KIAA1549L: variants seen among roughly 807,000 people sequenced by gnomAD.
The protein encoded by KIAA1549L is KIAA1549 like, also known as UPF0606 protein KIAA1549L.
In KIAA1549L, 88 loss-of-function variants were observed where a neutral mutation model predicts 160.7. The ratio of observed to expected loss-of-function variants is 0.55; its 90% CI spans 0.46 to 0.65. The LOEUF (loss-of-function observed/expected upper bound fraction) is 0.65. KIAA1549L is among the 30% of genes least tolerant of loss of function. The probability of loss-of-function intolerance (pLI) is 0.00; values close to 1 mark genes in which losing one functional copy is unlikely to be tolerated. For synonymous variants in KIAA1549L, 950 were observed against 976.7 expected (o/e 0.97, Z 0.51); for missense variants, 2,258 against 2,437.5 (o/e 0.93, Z 1.55).
intron 1 of KIAA1549L, among the ~76,000 whole-genome samples, chr11:33,469,415 T>C (rs1207835071): frequency 6.8e-6 from 1 of 146,764 alleles, no homozygotes; most frequent in Admixed American, 6.6e-5. Flanking sequence ...ATCTTGTTTA[T>C]TCATCAGGTG....
chr11:33,591,293 G>A lies in KIAA1549L; in HGVS notation c.4623G>A (p.Glu1541=), dbSNP rs1333032923. The A allele has an allele frequency of 1.2e-6, 2 of 1,613,644 alleles. No individual in the cohort carries two copies. The highest frequency in any genetic ancestry group is 1.7e-4 in the Middle Eastern group (1 of 6,058). The change falls in exon 12 of 21, where the codon GAG becomes GAA. Residue 1541 remains glutamate (E), a synonymous_variant. Transcript: ENST00000658780. The part of the protein sequence containing the change: ...KQHLGQQGAD[E]EVIPVTQETV... ...ACCTGGGCCAGCAAGGGGCAGATGA[G>A]GAGGTCATCCCTGTGACTCAGGAGA...
intron 17 of KIAA1549L, among the ~76,000 whole-genome samples, chr11:33,653,819 A>G (rs574507024): frequency 3.3e-5 from 5 of 151,382 alleles, no homozygotes; most frequent in African/African-American, 1.2e-4. Flanking sequence ...CCCCAATTCC[A>G]TTTTCTAGTT....
chr11:33,544,692 C>T (rs953855177), intron 2 of KIAA1549L, 75 bp from the exon 3 acceptor site: 188 of 1,513,144 alleles, frequency 1.2e-4, no homozygotes, highest in Non-Finnish European at 7.4e-5. Context: ...CCATAAGTTA[C>T]ATCCATTCAT....
chr11:33,393,969 T>A (rs2134052476), intron 1 of KIAA1549L, among the ~76,000 whole-genome samples: 1 of 152,340 alleles, frequency 6.6e-6, no homozygotes. Flanking sequence ...TAAACCTTTT[T>A]GACCATTCTG....
chr11:33,505,373 G>T (rs781262554), intron 1 of KIAA1549L, among the ~76,000 whole-genome samples: 6 of 152,184 alleles, frequency 3.9e-5, no homozygotes, highest in Non-Finnish European at 5.9e-5. Flanking sequence ...AAACTTTGCA[G>T]TAGTAAGCTC....
intron 1 of KIAA1549L, among the ~76,000 whole-genome samples, chr11:33,385,716 A>T (rs1386974976): frequency 6.6e-6 from 1 of 150,946 alleles, no homozygotes; most frequent in African/African-American, 2.4e-5. Flanking sequence ...CTTTGAATCT[A>T]GACCATTTAG....
chr11:33,653,036 G>A (rs530014422), intron 17 of KIAA1549L, among the ~76,000 whole-genome samples: 1 of 152,366 alleles, frequency 6.6e-6, no homozygotes, highest in African/African-American at 2.4e-5. Context: ...CAGAAAGGCT[G>A]AATGACATAT....
intron 1 of KIAA1549L, among the ~76,000 whole-genome samples, chr11:33,401,750 T>C (rs1466890107): frequency 6.6e-6 from 1 of 152,150 alleles, no homozygotes; most frequent in Non-Finnish European, 1.5e-5. Flanking sequence ...GATGGGGGTC[T>C]TGCCTCTGCC....
chr11:33,507,706 A>G (rs1853124145), intron 1 of KIAA1549L, among the ~76,000 whole-genome samples: 2 of 152,220 alleles, frequency 1.3e-5, no homozygotes. Context: ...GTCATATGAT[A>G]TGTATACAGT....
intron 18 of KIAA1549L, among the ~76,000 whole-genome samples, chr11:33,657,574 A>C (rs1006829413): frequency 6.6e-6 from 1 of 152,044 alleles, no homozygotes; most frequent in African/African-American, 2.4e-5. Context: ...AGGCGGGTGG[A>C]TCATTTGAGG....
intron 17 of KIAA1549L, among the ~76,000 whole-genome samples, chr11:33,649,343 GAAAAA>G (rs545884059): frequency 9.7e-6 from 1 of 102,778 alleles, no homozygotes; most frequent in Non-Finnish European, 1.9e-5. Context: ...CTCTACGGGG[GAAAAA>G]AAAAAAAAAA....
chr11:33,547,382 A>G (rs758131200), intron 3 of KIAA1549L, among the ~76,000 whole-genome samples: 2 of 152,112 alleles, frequency 1.3e-5, no homozygotes, highest in Non-Finnish European at 2.9e-5. Context: ...CACCTTCCTG[A>G]TCCAGGGTTG....
chr11:33,495,591 G>A (rs552688897), intron 1 of KIAA1549L, among the ~76,000 whole-genome samples: 15 of 152,288 alleles, frequency 9.8e-5, no homozygotes, highest in Middle Eastern at 3.4e-3. Flanking sequence ...AAGCATATGC[G>A]TGCATGTGTC....
chr11:33,583,333 C>T lies in KIAA1549L; in HGVS notation c.4403-5C>T, dbSNP rs367997350. The T allele has an allele frequency of 5.6e-6, 9 of 1,599,684 alleles. No individual in the cohort carries two copies. In the African/African-American group the frequency reaches 1.2e-4, roughly 21 times the overall value. On this transcript the variant is annotated splice_polypyrimidine_tract_variant and splice_region_variant and intron_variant, in intron 10 of 20. Transcript: ENST00000658780. ...CATGTCCCTCCTGCTGGCTCTTTCC[C>T]ACAGCCGTGGTGAAGAACCCGCCCA...
rs113021800 is a variant in KIAA1549L at position 33,501,741 on chromosome 11, C to T, written c.239-40061C>T. On this transcript the variant is annotated intron_variant, in intron 1 of 20. Coordinates refer to ENST00000658780, the MANE Select transcript of KIAA1549L (RefSeq NM_012194.3). ...AATAATAACTAATATTTACTTAGTG[C>T]TATGTGTTGCCAGGCACTACTCTGA... Among the ~76,000 whole-genome samples the T allele has an allele frequency of 1.3e-3, 194 of 152,072 alleles. 4 individuals carry two copies. The highest frequency in any genetic ancestry group is 4.5e-3 in the African/African-American group (187 of 41,458).
At chr11:33,409,209 G>A (rs925911849) in intron 1 of KIAA1549L, among the ~76,000 whole-genome samples, 2 of 152,056 alleles carry the variant, frequency 1.3e-5, no homozygotes, top group Non-Finnish European at 2.9e-5. Context: ...ACCAAATACT[G>A]TCAACACTGA....
chr11:33,419,708 A>C (rs1590231753), intron 1 of KIAA1549L, among the ~76,000 whole-genome samples: 1 of 152,154 alleles, frequency 6.6e-6, no homozygotes, highest in South Asian at 2.1e-4. Flanking sequence ...TTAGCTGGGC[A>C]TGGTGGCACA....
At chr11:33,621,744 C>T (rs151037015) in intron 16 of KIAA1549L, among the ~76,000 whole-genome samples, 50 of 152,058 alleles carry the variant, frequency 3.3e-4, no homozygotes, top group African/African-American at 1.2e-3. Context: ...AATTATTTAC[C>T]CCAGTATGTG....
chr11:33,449,209 A>G (rs1851673515), intron 1 of KIAA1549L, among the ~76,000 whole-genome samples: 1 of 151,700 alleles, frequency 6.6e-6, no homozygotes, highest in Non-Finnish European at 1.5e-5. Flanking sequence ...AAGCCAAGAA[A>G]CTTTTTGGAA....
Sources: gnomAD v4.1 joint callset for allele counts (sites outside exome capture counted in the v4.1 genomes callset) on GRCh38, gnomAD v4.1.1 for gene constraint, MANE v1.5 for transcripts, NCBI Gene and HGNC (gene_info 2026-07-23, HGNC 2026-07-21) for gene names.